Variants in EXD3 observed in about 807,000 individuals in gnomAD.
EXD3 encodes exonuclease 3'-5' domain containing 3, also known as exonuclease mut-7 homolog.
EXD3 carries 92 observed loss-of-function variants against 98.0 expected under a neutral mutation model. The observed-to-expected ratio is 0.94, with a 90% confidence interval of 0.79 to 1.12. EXD3 has a LOEUF of 1.12. EXD3 is among the 50% of genes most tolerant of loss of function. The pLI, the probability that EXD3 is intolerant of heterozygous loss-of-function variation, is 0.00. For synonymous variants in EXD3, 569 were observed against 526.0 expected (o/e 1.08, Z -1.12); for missense variants, 1,222 against 1,191.6 (o/e 1.03, Z -0.38).
intron 1 of EXD3, among the ~76,000 whole-genome samples, chr9:137,414,869 T>C (rs1838163772): frequency 6.6e-6 from 1 of 152,176 alleles, no homozygotes; most frequent in Non-Finnish European, 1.5e-5. Context: ...TTTGTTTTTA[T>C]GTTTTTGAGA....
rs757692851 is a variant in EXD3 at position 137,405,991 on chromosome 9, G to A, written c.-47-10587C>T. ...TCCCAGCCTTGTGGGAGGCCGAGGCGGGAGGATCACTTGAGCTCAGGAGTT... is the reference window on the plus strand; with the variant it reads ...TCCCAGCCTTGTGGGAGGCCGAGGCAGGAGGATCACTTGAGCTCAGGAGTT... On this transcript the variant is annotated intron_variant, in intron 1 of 21. Coordinates refer to ENST00000340951, the MANE Select transcript of EXD3 (RefSeq NM_017820.5). This position sits in a 1 kb window ranked among gnomAD's most constrained non-coding sequence, Gnocchi z 4.1. Among the ~76,000 whole-genome samples the A allele has an allele frequency of 3.5e-4, 53 of 152,162 alleles. No individual in the cohort carries two copies. Among genetic ancestry groups the A allele is most frequent in the Non-Finnish European group, 7.4e-4 (50 of 68,026 alleles).
chr9:137,317,359 C>T (rs1210969223), intron 19 of EXD3, among the ~76,000 whole-genome samples: 3 of 152,210 alleles, frequency 2.0e-5, no homozygotes, highest in Non-Finnish European at 2.9e-5. Context: ...ACCCCGAGGA[C>T]AGCCTGCCCA....
chr9:137,308,622 C>T (rs796183246), intron 20 of EXD3, among the ~76,000 whole-genome samples: 8 of 150,802 alleles, frequency 5.3e-5, no homozygotes, highest in African/African-American at 1.7e-4. Flanking sequence ...CCACCCTGAA[C>T]TTGGACTGAC....
rs1467155497 is a variant in EXD3 at position 137,395,543 on chromosome 9, T to C, written c.-47-139A>G. On this transcript the variant is annotated intron_variant, in intron 1 of 21. Coordinates refer to ENST00000340951, the MANE Select transcript of EXD3 (RefSeq NM_017820.5). This position sits in a 1 kb window ranked among gnomAD's most constrained non-coding sequence, Gnocchi z 6.5. ...AAGTGGGACCCCCAGTCGCTGAGCA[T>C]AGCGGGCAGCTCCACACTCCTCTCC... is the stretch of plus-strand genomic sequence containing the variant. The C allele has an allele frequency of 1.4e-6, 1 of 739,134 alleles. No homozygotes were observed. The highest frequency in any genetic ancestry group is 2.2e-6 in the Non-Finnish European group (1 of 454,000). The allele number at this position is 739,134 out of a possible 1,614,324, so 45.8% of individuals were successfully genotyped here. A position where few individuals can be genotyped will look rare whatever the true frequency, so the allele number is the denominator to read the frequency against.
At position 137,349,315 on chromosome 9, in the gene EXD3, C is replaced by T; in HGVS notation, c.1658-33G>A. 6.4e-7 allele frequency: 1 copy of T among 1,552,012 alleles called. No homozygotes were observed. The highest frequency in any genetic ancestry group is 8.7e-7 in the Non-Finnish European group (1 of 1,154,112). ...GGGAGTCGGCCTCAGCCTCCCGGGA[C>T]AGAGGGCGGGAGGGGCGTGAGGAGG... On this transcript the variant is annotated intron_variant, in intron 15 of 21. Coordinates refer to ENST00000340951, the MANE Select transcript of EXD3 (RefSeq NM_017820.5). This position sits in a 1 kb window ranked among gnomAD's most constrained non-coding sequence, Gnocchi z 7.4.
intron 2 of EXD3, among the ~76,000 whole-genome samples, chr9:137,386,052 T>C (rs961824217): frequency 2.6e-5 from 4 of 151,966 alleles, no homozygotes; most frequent in African/African-American, 9.7e-5. Context: ...TCCCAGCACT[T>C]TGGGAGGCTG....
At chr9:137,351,770 C>T (rs1210628639) in intron 12 of EXD3, among the ~76,000 whole-genome samples, 1 of 152,236 alleles carries the variant, frequency 6.6e-6, no homozygotes, top group Non-Finnish European at 1.5e-5. Flanking sequence ...TGGCCTGGTG[C>T]CCACGGCAGT....
chr9:137,406,080 G>A (rs1837697104), intron 1 of EXD3, among the ~76,000 whole-genome samples: 1 of 152,034 alleles, frequency 6.6e-6, no homozygotes, highest in Admixed American at 6.5e-5. Flanking sequence ...GCTGGGCGTG[G>A]TAACATGCAC....
chr9:137,313,888 A>C (rs529499634), intron 19 of EXD3, among the ~76,000 whole-genome samples: 1 of 152,254 alleles, frequency 6.6e-6, no homozygotes, highest in African/African-American at 2.4e-5. Flanking sequence ...CACCACACGA[A>C]AGGGTGCCCA....
At position 137,402,857 on chromosome 9, in the gene EXD3, G is replaced by A. The variant is rs550414252; in HGVS notation, c.-47-7453C>T. On this transcript the variant is annotated intron_variant, in intron 1 of 21. Coordinates refer to ENST00000340951, the MANE Select transcript of EXD3 (RefSeq NM_017820.5). ...AGGCCTCAGAATCACGGTGGAAGGCGAAAGGCACTTCTTACATGGTGGCAG... is the reference window on the plus strand; with the variant it reads ...AGGCCTCAGAATCACGGTGGAAGGCAAAAGGCACTTCTTACATGGTGGCAG... Among the ~76,000 whole-genome samples, 7 of 152,280 alleles carry A rather than the reference G, an allele frequency of 4.6e-5. No individual in the cohort carries two copies. The East Asian group carries it at 9.6e-4, about 21-fold the overall frequency.
In EXD3 at chr9:137,395,308, C is replaced by T. The variant is rs374548762; in HGVS notation, c.50G>A (p.Arg17His). Residue 17 changes from arginine (R) to histidine (H), a missense_variant, in exon 2 of 22, where the codon CGC (arginine) becomes CAC (histidine). Arg to His is a conservative substitution (Grantham distance 29, BLOSUM62 0). Transcript: ENST00000340951. This position sits in a 1 kb window ranked among gnomAD's most constrained non-coding sequence, Gnocchi z 6.5. ...ACCATCAGGCTCAGACTCACCCATGCGGTGGCGCTCGCCAGCGGCAGGGTC... is the reference window on the plus strand; with the variant it reads ...ACCATCAGGCTCAGACTCACCCATGTGGTGGCGCTCGCCAGCGGCAGGGTC... ...AGDPAAGERH[R>H]MGRDPLLLLQ... 2.1e-5 allele frequency: 34 copies of T among 1,613,294 alleles called. No homozygotes were observed. The highest frequency in any genetic ancestry group is 1.7e-4 in the Middle Eastern group (1 of 6,060).
chr9:137,326,929 A>G (rs1025646473), intron 17 of EXD3, among the ~76,000 whole-genome samples: 2 of 152,164 alleles, frequency 1.3e-5, no homozygotes, highest in Non-Finnish European at 2.9e-5. Context: ...TTCAAAAAAA[A>G]AAAGGAAGGA....
At position 137,393,502 on chromosome 9, in the gene EXD3, C is replaced by T. The variant is rs113020353; in HGVS notation, c.55+1801G>A. ...AGGGGGCCACATCCACACCAAGCCCCGCCCAGCTCAGAGGTGGCCCCTCCC... is the reference window on the plus strand; with the variant it reads ...AGGGGGCCACATCCACACCAAGCCCTGCCCAGCTCAGAGGTGGCCCCTCCC... On this transcript the variant is annotated intron_variant, in intron 2 of 21. Transcript: ENST00000340951. This position sits in a 1 kb window ranked among gnomAD's most constrained non-coding sequence, Gnocchi z 4.6. Among the ~76,000 whole-genome samples, 1,262 of 152,282 alleles carry T rather than the reference C, an allele frequency of 8.3e-3. 17 individuals carry two copies. The highest frequency in any genetic ancestry group is 0.029 in the African/African-American group (1,214 of 41,546).
chr9:137,375,215 G>C (rs574435413), intron 3 of EXD3, among the ~76,000 whole-genome samples: 2 of 152,290 alleles, frequency 1.3e-5, no homozygotes, highest in Admixed American at 6.5e-5. Flanking sequence ...CACCGTGTTA[G>C]CCAGGATGGT....
chr9:137,405,178 C>T lies in EXD3; in HGVS notation c.-47-9774G>A, dbSNP rs1354355658. Among the ~76,000 whole-genome samples the T allele has an allele frequency of 1.3e-5, 2 of 152,244 alleles. No individual in the cohort carries two copies. Among genetic ancestry groups the T allele is most frequent in the Non-Finnish European group, 2.9e-5 (2 of 68,040 alleles). On this transcript the variant is annotated intron_variant, in intron 1 of 21. Transcript: ENST00000340951. The surrounding 1 kb of genome is among the most constrained non-coding windows in gnomAD (Gnocchi z 4.1). ...AAAGACCCTACTTGGGAGCCCCGCA[C>T]ATCCGCACATCCCACCCTTGGACCT...
intron 7 of EXD3, among the ~76,000 whole-genome samples, chr9:137,363,335 CTTTTTTTTT>C (rs71387828): frequency 1.2e-5 from 1 of 81,192 alleles, no homozygotes; most frequent in African/African-American, 5.3e-5. Flanking sequence ...GTGCAATTTC[CTTTTTTTTT>C]TTTTTTTTTT....
intron 17 of EXD3, among the ~76,000 whole-genome samples, chr9:137,330,807 A>AC (rs1460574448): frequency 1.3e-5 from 2 of 152,264 alleles, no homozygotes; most frequent in Non-Finnish European, 2.9e-5. Context: ...CAATTAAAGA[A>AC]CAAGGAAAAT....
chr9:137,416,484 A>G (rs1838232722), intron 1 of EXD3, among the ~76,000 whole-genome samples: 1 of 152,196 alleles, frequency 6.6e-6, no homozygotes, highest in African/African-American at 2.4e-5. Flanking sequence ...CTCCACCAGA[A>G]ACATCCGGCC....
intron 19 of EXD3, among the ~76,000 whole-genome samples, chr9:137,315,883 G>C (rs1458583707): frequency 6.6e-6 from 1 of 151,638 alleles, no homozygotes; most frequent in Admixed American, 6.6e-5. Flanking sequence ...GTCCCAACAC[G>C]GTGCCCTGGG....
Sources: allele counts gnomAD v4.1 joint callset (sites outside exome capture counted in the v4.1 genomes callset), GRCh38; gene constraint gnomAD v4.1.1; non-coding constraint Gnocchi (gnomAD v3.1); transcripts MANE v1.5; gene names NCBI Gene and HGNC (gene_info 2026-07-23, HGNC 2026-07-21).